The following MBNL2 variants were observed in gnomAD, a reference collection of about 807,000 sequenced individuals.
The protein encoded by MBNL2 is muscleblind-like protein 2.
A neutral mutation model predicts 41.9 loss-of-function variants in MBNL2; 17 were observed. The ratio of observed to expected loss-of-function variants is 0.41; its 90% CI spans 0.28 to 0.61. MBNL2 has a LOEUF of 0.61. Among genes scored for constraint, MBNL2 ranks in the 20% least tolerant of loss-of-function variants. The pLI is 0.35. For synonymous variants in MBNL2, 195 were observed against 182.9 expected (o/e 1.07, Z -0.53); for missense variants, 336 against 505.6 (o/e 0.66, Z 3.22).
intron 3 of MBNL2, among the ~76,000 whole-genome samples, chr13:97,340,812 A>G (rs1323071078): frequency 1.3e-5 from 2 of 152,250 alleles, no homozygotes; most frequent in African/African-American, 4.8e-5. Context: ...ATTTTAGACT[A>G]TGAAATCAGA....
At chr13:97,361,029 A>C (rs554923138) in intron 7 of MBNL2, among the ~76,000 whole-genome samples, 2 of 152,356 alleles carry the variant, frequency 1.3e-5, no homozygotes, top group South Asian at 4.1e-4. Flanking sequence ...AATTCATTAA[A>C]ACATACCTTG....
chr13:97,227,885 G>A (rs939870559), intron 1 of MBNL2, among the ~76,000 whole-genome samples: 8 of 152,136 alleles, frequency 5.3e-5, no homozygotes, highest in African/African-American at 1.9e-4. Flanking sequence ...CACAAAACCT[G>A]TGCTGGCTCT....
intron 8 of MBNL2, among the ~76,000 whole-genome samples, chr13:97,375,959 C>A: frequency 6.6e-6 from 1 of 151,994 alleles, no homozygotes; most frequent in East Asian, 1.9e-4. Flanking sequence ...GAAATTGCAG[C>A]TGAGTGGATC....
At chr13:97,164,384 A>G in the MBNL2 span, among the ~76,000 whole-genome samples, 3 of 152,288 alleles carry the variant, frequency 2.0e-5, no homozygotes, top group South Asian at 6.2e-4. Context: ...CAGTGCCACG[A>G]CTCTGCTTTA....
At chr13:97,202,945 C>T in the MBNL2 span, among the ~76,000 whole-genome samples, 1 of 152,146 alleles carries the variant, frequency 6.6e-6, no homozygotes, top group Non-Finnish European at 1.5e-5. Flanking sequence ...AAAGGAATTG[C>T]TCAGTGTTGA....
chr13:97,227,795 G>A (rs149014217), intron 1 of MBNL2, among the ~76,000 whole-genome samples: 2 of 152,106 alleles, frequency 1.3e-5, no homozygotes, highest in Non-Finnish European at 2.9e-5. Flanking sequence ...TGGGACCATT[G>A]GTAGCCTAGA....
chr13:97,187,270 T>TAAGTACAAAGTA, the MBNL2 span, among the ~76,000 whole-genome samples: 1 of 152,130 alleles, frequency 6.6e-6, no homozygotes, highest in Non-Finnish European at 1.5e-5. Flanking sequence ...AAAGAAGAGA[T>TAAGTACAAAGTA]AAGTACAAAG....
At chr13:97,160,147 C>G in the MBNL2 span, among the ~76,000 whole-genome samples, 1 of 152,184 alleles carries the variant, frequency 6.6e-6, no homozygotes, top group African/African-American at 2.4e-5. Flanking sequence ...AACACTATTG[C>G]TGTTACGGGA....
chr13:97,216,898 CACAT>C (rs2040417206), upstream of MBNL2, among the ~76,000 whole-genome samples: 1 of 150,210 alleles, frequency 6.7e-6, no homozygotes, highest in African/African-American at 2.4e-5. Flanking sequence ...AGTATATTTA[CACAT>C]ACATAGAGTA....
rs938105716 is a variant in MBNL2, at chr13:97,253,461, A to G, written c.-604-22171A>G. ...ACTTATTAAGTTCTTATTATATTCT[A>G]ATTATACGCTCCTGAGTTAAAATTT... is the stretch of plus-strand genomic sequence containing the variant. On this transcript the variant is annotated intron_variant, in intron 1 of 8. Transcript: ENST00000679496. Among the ~76,000 whole-genome samples, 5 of 152,148 alleles carry G rather than the reference A, an allele frequency of 3.3e-5. No homozygotes were observed. In the South Asian group the frequency reaches 8.3e-4, roughly 25 times the overall value.
At chr13:97,203,961 G>T in the MBNL2 span, among the ~76,000 whole-genome samples, 1 of 152,138 alleles carries the variant, frequency 6.6e-6, no homozygotes, top group East Asian at 1.9e-4. Context: ...TGGACAGATG[G>T]ATGGTTGGAT....
chr13:97,339,374 G>T (rs979474337), intron 3 of MBNL2, among the ~76,000 whole-genome samples: 1 of 152,030 alleles, frequency 6.6e-6, no homozygotes, highest in Non-Finnish European at 1.5e-5. Context: ...ACGGGAAGGT[G>T]GAGTAGAGAA....
intron 1 of MBNL2, among the ~76,000 whole-genome samples, chr13:97,226,043 T>C (rs2041551541): frequency 6.6e-6 from 1 of 152,006 alleles, no homozygotes; most frequent in Non-Finnish European, 1.5e-5. Context: ...TTTTAAAAAA[T>C]GTGCACAAAC....
In MBNL2 at chr13:97,343,334, C is replaced by T; in HGVS notation, c.540+118C>T. 5.4e-6 allele frequency: 4 copies of T among 738,182 alleles called. No individual in the cohort carries two copies. In the East Asian group the frequency reaches 1.0e-4, roughly 19 times the overall value. 45.7% of individuals were successfully genotyped at this position (738,182 alleles called of 1,614,324 possible). Reference sequence around the variant, plus strand: ...CAAAACAGCCATGTAAACACACACACACAAACTCACCTAAAACCCATGTAT... The same window carrying T: ...CAAAACAGCCATGTAAACACACACATACAAACTCACCTAAAACCCATGTAT... On this transcript the variant is annotated intron_variant, in intron 4 of 8. Transcript: ENST00000679496.
At position 97,261,910 on chromosome 13, in the gene MBNL2, T is replaced by C. The variant is rs2048705119; in HGVS notation, c.-604-13722T>C. Among the ~76,000 whole-genome samples the C allele has an allele frequency of 2.0e-5, 3 of 152,218 alleles. No homozygotes were observed. In the South Asian group the frequency reaches 6.3e-4, roughly 32 times the overall value. On this transcript the variant is annotated intron_variant, in intron 1 of 8. Transcript: ENST00000679496. ...CCATGACAGCCAGCCACCCTGTCCT[T>C]CCCCCTTCTTGAGGCCAGTGGCCGC...
intron 1 of MBNL2, among the ~76,000 whole-genome samples, chr13:97,240,112 A>C (rs957036993): frequency 1.3e-5 from 2 of 152,208 alleles, no homozygotes; most frequent in African/African-American, 4.8e-5. Context: ...CAGACTTCTG[A>C]ATCCTAGGCC....
chr13:97,154,963 T>C, the MBNL2 span, among the ~76,000 whole-genome samples: 54 of 152,208 alleles, frequency 3.5e-4, no homozygotes, highest in African/African-American at 1.3e-3. Context: ...TTGGGGACTT[T>C]TTTGATTAAA....
intron 8 of MBNL2, among the ~76,000 whole-genome samples, chr13:97,390,170 A>G (rs1181194401): frequency 1.3e-5 from 2 of 152,146 alleles, no homozygotes; most frequent in Non-Finnish European, 2.9e-5. Context: ...CTCTATTTTT[A>G]TGAATTCTCT....
chr13:97,283,115 C>A (rs1416052591), intron 2 of MBNL2, among the ~76,000 whole-genome samples: 5 of 152,180 alleles, frequency 3.3e-5, no homozygotes, highest in African/African-American at 1.2e-4. Flanking sequence ...TTTCCTAGTT[C>A]TTTCACCACG....
Sources: gnomAD v4.1 joint callset for allele counts (sites outside exome capture counted in the v4.1 genomes callset) on GRCh38, gnomAD v4.1.1 for gene constraint, MANE v1.5 for transcripts, NCBI Gene and HGNC (gene_info 2026-07-23, HGNC 2026-07-21) for gene names.